STARD9: variants seen among roughly 807,000 people sequenced by gnomAD.
STARD9 encodes the protein stAR-related lipid transfer protein 9.
Under a neutral mutation model 399.8 loss-of-function variants are expected in STARD9, and 346 were observed. That is an observed-to-expected ratio of 0.87 (90% CI 0.79 to 0.95). The LOEUF (loss-of-function observed/expected upper bound fraction) is 0.95. Among genes scored for constraint, STARD9 ranks in the 40% least tolerant of loss-of-function variants. The pLI is 0.00. For missense variants in STARD9, 5,832 were observed against 5,667.5 expected, an observed-to-expected ratio of 1.03 and a Z score of -0.93; for synonymous variants, 2,203 against 2,143.5, an observed-to-expected ratio of 1.03 and a Z score of -0.77.
intron 24 of STARD9, among the ~76,000 whole-genome samples, 160 bp downstream of exon 24, chr15:42,694,885 A>T (rs1461096493): frequency 6.6e-6 from 1 of 152,060 alleles, no homozygotes; most frequent in Non-Finnish European, 1.5e-5. Flanking sequence ...GGGGGTGGGC[A>T]GAGAGAAGGC....
Position 42,693,369 on chromosome 15 carries a change from C to T in STARD9, c.11791C>T (p.His3931Tyr), listed in dbSNP as rs1375590488. The stretch of plus-strand genomic sequence containing the variant: ...CCCTTCAACTCACCCTGTTGAAGGC[C>T]ACCAGAAGCTTGACTCCAGCCCAGA... ...SAPSTHPVEGHQKLDSSPDPV... is the reference protein window; with the variant it reads ...SAPSTHPVEGYQKLDSSPDPV... The change falls in exon 23 of 33, where the codon CAC becomes TAC. Residue 3931 changes from histidine (H) to tyrosine (Y), a missense_variant. Physicochemically the swap from His to Tyr is moderately conservative, Grantham distance 83 (BLOSUM62 2). Around this residue, in one of 2 missense-constraint regions of STARD9, gnomAD observed 5,828 missense variants for 5,651.1 expected, o/e 1.03. Transcript: ENST00000290607. 1.1e-5 allele frequency: 17 copies of T among 1,537,166 alleles called. No individual in the cohort carries two copies. Among genetic ancestry groups the T allele is most frequent in the African/African-American group, 1.4e-5 (1 of 73,148 alleles).
At chr15:42,669,424 TG>T (rs2060164862) in intron 16 of STARD9, 87 bp downstream of exon 16, 1 of 1,233,290 alleles carries the variant, frequency 8.1e-7, no homozygotes, top group Non-Finnish European at 1.1e-6. Context: ...GCCATGTTAC[TG>T]TGAATTGAAA....
chr15:42,660,452 T>C (rs533756041), intron 9 of STARD9, among the ~76,000 whole-genome samples: 1 of 151,032 alleles, frequency 6.6e-6, no homozygotes, highest in East Asian at 1.9e-4. Context: ...TAATCTCAGC[T>C]ACTTGGGAGG....
intron 3 of STARD9, among the ~76,000 whole-genome samples, chr15:42,594,346 T>C (rs929740334): frequency 1.3e-5 from 2 of 152,198 alleles, no homozygotes; most frequent in African/African-American, 4.8e-5. Context: ...GCAGAGATGA[T>C]AATGCTCCAT....
chr15:42,627,336 T>C lies in STARD9; in HGVS notation c.235-7520T>C, dbSNP rs138657899. ...ATTATGGGTACATAGTAGGTATATA[T>C]ATTTATGAGGTACATGAGATATTTT... is the stretch of plus-strand genomic sequence containing the variant. On this transcript the variant is annotated intron_variant, in intron 3 of 32. Coordinates refer to ENST00000290607, the MANE Select transcript of STARD9 (RefSeq NM_020759.3). Among the ~76,000 whole-genome samples the C allele has an allele frequency of 7.8e-4, 119 of 152,270 alleles. No individual in the cohort carries two copies. In the Middle Eastern group the frequency reaches 0.01, roughly 13 times the overall value.
chr15:42,597,200 G>T (rs1403803345), intron 3 of STARD9, among the ~76,000 whole-genome samples: 1 of 152,102 alleles, frequency 6.6e-6, no homozygotes, highest in Non-Finnish European at 1.5e-5. Flanking sequence ...AGCCTAAGCA[G>T]TCCTCTTACC....
intron 18 of STARD9, 115 bp from the exon 19 acceptor site, chr15:42,675,549 C>A: frequency 1.3e-6 from 1 of 760,358 alleles, no homozygotes; most frequent in Non-Finnish European, 2.2e-6. Flanking sequence ...ATCAACTCAG[C>A]AAAATTATCA....
At chr15:42,576,396 A>T (rs771747640) in intron 1 of STARD9, among the ~76,000 whole-genome samples, 2 of 152,102 alleles carry the variant, frequency 1.3e-5, no homozygotes, top group Non-Finnish European at 2.9e-5. Context: ...AGCCCTTGAG[A>T]CATCCAGTGT....
chr15:42,681,424 G>T lies in STARD9; in HGVS notation c.1877G>T (p.Arg626Ile). Reference protein sequence around the residue: ...GLSPLLWKERRALEEQCDEDH... With the variant: ...GLSPLLWKERIALEEQCDEDH... Reference sequence around the variant, plus strand: ...AACCTCAGCCGCTTCTGTGACAGGAGAGCGCTTGAAGAGCAATGTGACGAG... The same window carrying T: ...AACCTCAGCCGCTTCTGTGACAGGATAGCGCTTGAAGAGCAATGTGACGAG... The change falls in exon 21 of 33, where the codon AGA becomes ATA. Residue 626 changes from arginine to isoleucine, a missense_variant and splice_region_variant. By Grantham distance (97) the Arg-to-Ile change is moderately conservative (BLOSUM62 -3). Transcript: ENST00000290607. 1 of 1,535,130 alleles carries T rather than the reference G, an allele frequency of 6.5e-7. No individual in the cohort carries two copies. Among genetic ancestry groups the T allele is most frequent in the South Asian group, 1.2e-5 (1 of 83,568 alleles).
In STARD9 at chr15:42,690,280, C is replaced by T. The variant is rs2060659948; in HGVS notation, c.8702C>T (p.Pro2901Leu). The change falls in exon 23 of 33, where the codon CCA becomes CTA. Residue 2901 changes from proline (P) to leucine (L), a missense_variant. By Grantham distance (98) the Pro-to-Leu change is moderately conservative. Around this residue, in one of 2 missense-constraint regions of STARD9, gnomAD observed 5,828 missense variants for 5,651.1 expected, o/e 1.03. Transcript: ENST00000290607. ...AAACATTCCAGGCCAATTCCACTGC[C>T]AGATCAAAGACCAAGCGCAAATCCT... ...GSKHSRPIPL[P>L]DQRPSANPGG... is the part of the protein sequence containing the mutation. 2.6e-6 allele frequency: 4 copies of T among 1,537,224 alleles called. No homozygotes were observed. Among genetic ancestry groups the T allele is most frequent in the Non-Finnish European group, 3.5e-6 (4 of 1,146,942 alleles).
intron 7 of STARD9, among the ~76,000 whole-genome samples, chr15:42,648,750 C>G (rs533516193): frequency 1.3e-5 from 2 of 152,030 alleles, no homozygotes; most frequent in East Asian, 3.8e-4. Context: ...CATTACCTTT[C>G]CCTTTTTTCC....
intron 29 of STARD9, 55 bp from the exon 30 acceptor site, chr15:42,717,922 C>A (rs1012778064): frequency 8.5e-6 from 13 of 1,522,056 alleles, no homozygotes; most frequent in African/African-American, 1.4e-5. Flanking sequence ...CTTTGTGACC[C>A]TTAGAGCCCA....
intron 16 of STARD9, 67 bp from the exon 17 acceptor site, chr15:42,674,373 G>A (rs2060266117): frequency 1.6e-6 from 2 of 1,228,478 alleles, no homozygotes; most frequent in Non-Finnish European, 2.3e-6. Flanking sequence ...TTCTAATGTG[G>A]ACTCTCCTGT....
At chr15:42,642,334 GTTTA>G (rs2059555042) in intron 7 of STARD9, among the ~76,000 whole-genome samples, 1 of 152,278 alleles carries the variant, frequency 6.6e-6, no homozygotes, top group South Asian at 2.1e-4. Flanking sequence ...CCATTAAAAA[GTTTA>G]TTTATTAGTC....
intron 26 of STARD9, among the ~76,000 whole-genome samples, chr15:42,703,742 C>CT (rs2061018123): frequency 2.0e-5 from 3 of 150,964 alleles, no homozygotes; most frequent in Admixed American, 1.3e-4. Flanking sequence ...TTCTTTTTTT[C>CT]TTTCCTCCTC....
chr15:42,675,921 A>G lies in STARD9; in HGVS notation c.1820A>G (p.Asp607Gly). ...GRGSLEWLDL[D>G]GDLAASRLGL... ...GGCTCGTTGGAGTGGCTGGATTTGG[A>G]TGGAGATCTCGCTGCCTCCCGGCTG... The change falls in exon 20 of 33, where the codon GAT (aspartate) becomes GGT (glycine). Residue 607 changes from aspartate to glycine, a missense_variant. Around this residue, in one of 2 missense-constraint regions of STARD9, gnomAD observed 5,828 missense variants for 5,651.1 expected, o/e 1.03. Coordinates refer to ENST00000290607, the MANE Select transcript of STARD9 (RefSeq NM_020759.3). The G allele has an allele frequency of 5.9e-6, 9 of 1,536,898 alleles. No homozygotes were observed. The highest frequency in any genetic ancestry group is 7.8e-6 in the Non-Finnish European group (9 of 1,146,740).
chr15:42,694,334 CTA>C lies in STARD9; in HGVS notation c.12758_12759del (p.Tyr4253CysfsTer8). On this transcript the variant is annotated frameshift_variant, in exon 23 of 33. Transcript: ENST00000290607. LOFTEE classifies it high-confidence loss of function. ...EPVTSTWKEL[Y>X]ARQKKAIETL... is the part of the protein sequence containing the mutation. ...CTGTGACATCCACCTGGAAGGAGCT[CTA>C]TGCACGGTAAGGACCCCCAGCCTGG... 2 of 1,528,308 alleles carry C rather than the reference CTA, an allele frequency of 1.3e-6. No homozygotes were observed. The highest frequency in any genetic ancestry group is 1.8e-6 in the Non-Finnish European group (2 of 1,141,908). 94.7% of individuals were successfully genotyped at this position (1,528,308 alleles called of 1,614,324 possible).
chr15:42,650,835 G>A (rs1040077063), intron 7 of STARD9, among the ~76,000 whole-genome samples, 181 bp from the exon 8 acceptor site: 1 of 152,130 alleles, frequency 6.6e-6, no homozygotes, highest in Non-Finnish European at 1.5e-5. Flanking sequence ...TCATATACCT[G>A]ACAAGAGGTT....
rs1566893816 is a variant in STARD9 at position 42,638,022 on chromosome 15, G to A, written c.385-4G>A. On this transcript the variant is annotated splice_polypyrimidine_tract_variant and splice_region_variant and intron_variant, in intron 5 of 32. Coordinates refer to ENST00000290607, the MANE Select transcript of STARD9 (RefSeq NM_020759.3). ...ATGAAACCCCAACCCTCTGGTTTGTGCAGGGTCTCTTCGTCAGGGAGAAAG... is the reference window on the plus strand; with the variant it reads ...ATGAAACCCCAACCCTCTGGTTTGTACAGGGTCTCTTCGTCAGGGAGAAAG... 2.6e-6 allele frequency: 4 copies of A among 1,537,362 alleles called. No homozygotes were observed. The highest frequency in any genetic ancestry group is 2.6e-6 in the Non-Finnish European group (3 of 1,146,936).
Sources: gnomAD v4.1 joint callset for allele counts (sites outside exome capture counted in the v4.1 genomes callset) on GRCh38, gnomAD v4.1.1 for gene constraint, gnomAD v4.1.1 regional missense constraint, MANE v1.5 for transcripts, NCBI Gene and HGNC (gene_info 2026-07-23, HGNC 2026-07-21) for gene names.